Variants in RRP8 observed in about 807,000 individuals in gnomAD.
RRP8 encodes the protein ribosomal RNA processing 8.
A neutral mutation model predicts 45.0 loss-of-function variants in RRP8; 48 were observed. The observed-to-expected ratio is 1.07, with a 90% CI of 0.85 to 1.36. RRP8 has a LOEUF of 1.36. RRP8 is among the 40% of genes most tolerant of loss of function. The pLI, the probability that RRP8 is intolerant of heterozygous loss-of-function variation, is 0.00. For synonymous variants in RRP8, 274 were observed against 212.4 expected (o/e 1.29, Z -2.52); for missense variants, 658 against 573.7 (o/e 1.15, Z -1.50).
Position 6,602,041 on chromosome 11 carries a change from C to A in RRP8, c.274G>T (p.Gly92Trp). 1.2e-6 allele frequency: 2 copies of A among 1,614,074 alleles called. No individual in the cohort carries two copies. Among genetic ancestry groups the A allele is most frequent in the Non-Finnish European group, 1.7e-6 (2 of 1,179,928 alleles). ...ASASAEVGKK[G>W]KKKCQKQGPP... ...CCCTGTTTTTGACATTTCTTCTTCC[C>A]TTTCTTCCCTACTTCAGCAGAGGCA... is the stretch of plus-strand genomic sequence containing the variant. The change falls in exon 2 of 7, where the codon GGG (glycine) becomes TGG (tryptophan). Residue 92 changes from glycine (G) to tryptophan (W), a missense_variant. Coordinates refer to ENST00000254605, the MANE Select transcript of RRP8 (RefSeq NM_015324.4).
In RRP8 at chr11:6,595,211, C is replaced by T. The variant is rs556551527; in HGVS notation, c.*4935G>A. The T allele has an allele frequency of 2.0e-5, 3 of 151,944 alleles. No individual in the cohort carries two copies. Among genetic ancestry groups the T allele is most frequent in the Admixed American group, 6.6e-5 (1 of 15,258 alleles). 9.4% of individuals were successfully genotyped at this position (151,944 alleles called of 1,614,324 possible). ...CCTCAGCCTTCCTAGTAGCTGGGAT[C>T]ACAGATAAGAGCCACTGCACTTGGC... On this transcript the variant is annotated 3_prime_UTR_variant, in exon 7 of 7. Coordinates refer to ENST00000254605, the MANE Select transcript of RRP8 (RefSeq NM_015324.4).
rs1854231891 is a variant in RRP8, at chr11:6,596,551, G to A, written c.*3595C>T. The stretch of plus-strand genomic sequence containing the variant: ...TGTGTGGAAAATTAATTGCTTTAGG[G>A]ACACGAGTAGAAGCAATTAGACCAC... On this transcript the variant is annotated 3_prime_UTR_variant, in exon 7 of 7. Transcript: ENST00000254605. 1 of 152,210 alleles carries A rather than the reference G, an allele frequency of 6.6e-6. No individual in the cohort carries two copies. Among genetic ancestry groups the A allele is most frequent in the Non-Finnish European group, 1.5e-5 (1 of 68,034 alleles). 9.4% of individuals were successfully genotyped at this position (152,210 alleles called of 1,614,324 possible).
rs1213618276 is a variant in RRP8 at position 6,602,092 on chromosome 11, A to AT, written c.222dup (p.Cys75MetfsTer13). ...CTGGCAAATGATGCCTTTTTGGGGC[A>AT]TTTCTTCTTCCTTTCCTCCTCCTCC... On this transcript the variant is annotated frameshift_variant, in exon 2 of 7. Coordinates refer to ENST00000254605, the MANE Select transcript of RRP8 (RefSeq NM_015324.4). LOFTEE classifies it high-confidence loss of function. 6.2e-7 allele frequency: 1 copy of AT among 1,613,170 alleles called. No individual in the cohort carries two copies. Among genetic ancestry groups the AT allele is most frequent in the East Asian group, 2.2e-5 (1 of 44,870 alleles).
In RRP8 at chr11:6,600,012, A is replaced by C. The variant is rs938213983; in HGVS notation, c.*134T>G. 3 of 562,620 alleles carry C rather than the reference A, an allele frequency of 5.3e-6. No homozygotes were observed. The highest frequency in any genetic ancestry group is 9.2e-6 in the Non-Finnish European group (3 of 325,098). The allele number at this position is 562,620 out of a possible 1,614,324, so 34.9% of individuals were successfully genotyped here. A position where few individuals can be genotyped will look rare whatever the true frequency, so the allele number is the denominator to read the frequency against. ...GCCTTCAGTAGAGCAAGTCTGAGCC[A>C]GAGGTTTTATCACACTTTGTCCTCA... On this transcript the variant is annotated 3_prime_UTR_variant, in exon 7 of 7. Coordinates refer to ENST00000254605, the MANE Select transcript of RRP8 (RefSeq NM_015324.4).
rs138539459 is a variant in RRP8, at chr11:6,600,498, C to A, written c.1239G>T (p.Lys413Asn). The stretch of plus-strand genomic sequence containing the variant: ...TTGGGGCCCTCACCTTGGAGACAAT[C>A]TTGAAGCCTAGCTTGGTCACAGCCC... ...FLRAVTKLGF[K>N]IVSKDLTNSH... Residue 413 changes from lysine to asparagine, a missense_variant, in exon 6 of 7, where the codon AAG becomes AAT. By Grantham distance (94) the Lys-to-Asn change is moderately conservative. Transcript: ENST00000254605. 33 of 1,613,456 alleles carry A rather than the reference C, an allele frequency of 2.0e-5. No homozygotes were observed. The highest frequency in any genetic ancestry group is 2.7e-5 in the Non-Finnish European group (32 of 1,180,012).
chr11:6,603,249 C>G (rs1854495134), intron 1 of RRP8, among the ~76,000 whole-genome samples, 155 bp downstream of exon 1: 1 of 152,258 alleles, frequency 6.6e-6, no homozygotes, highest in South Asian at 2.1e-4. Flanking sequence ...TCTGACCCAA[C>G]GTCAGTTTCT....
chr11:6,600,827 C>T, intron 4 of RRP8, 52 bp from the exon 5 acceptor site: 1 of 1,609,656 alleles, frequency 6.2e-7, no homozygotes, highest in African/African-American at 1.3e-5. Context: ...AGAAGAAAGC[C>T]AGCACTGAGA....
chr11:6,603,190 C>G (rs763918326), intron 1 of RRP8, among the ~76,000 whole-genome samples: 19 of 152,206 alleles, frequency 1.2e-4, no homozygotes, highest in Non-Finnish European at 2.4e-4. Context: ...GTACTTTTTC[C>G]TGTCTGAAGA....
In RRP8 at chr11:6,603,474, G is replaced by A. The variant is rs542041353; in HGVS notation, c.29C>T (p.Ala10Val). 4 of 1,597,262 alleles carry A rather than the reference G, an allele frequency of 2.5e-6. No individual in the cohort carries two copies. Among genetic ancestry groups the A allele is most frequent in the Non-Finnish European group, 3.4e-6 (4 of 1,173,368 alleles). The change falls in exon 1 of 7, where the codon GCG becomes GTG. Residue 10 changes from alanine (A) to valine (V), a missense_variant. By Grantham distance (64) the Ala-to-Val change is moderately conservative. Coordinates refer to ENST00000254605, the MANE Select transcript of RRP8 (RefSeq NM_015324.4). MFEEPEWAE[A>V]APVAAGLGPV... ...CCCAAGGCCCGCGGCTACTGGGGCC[G>A]CCTCGGCCCACTCAGGCTCTTCGAA... is the stretch of plus-strand genomic sequence containing the variant.
At position 6,601,568 on chromosome 11, in the gene RRP8, A is replaced by G; in HGVS notation, c.498T>C (p.Asp166=). The change falls in exon 3 of 7, where the codon GAT becomes GAC. Residue 166 remains aspartate (D), a synonymous_variant. Transcript: ENST00000254605. The part of the protein sequence containing the change: ...PKAWKGSTTN[D]PPKQSPGSTS... ...TGGACCCAGGGCTTTGCTTTGGTGGATCATTTGTAGTACTACCCTTCCAGG... is the reference window on the plus strand; with the variant it reads ...TGGACCCAGGGCTTTGCTTTGGTGGGTCATTTGTAGTACTACCCTTCCAGG... 2 of 1,603,824 alleles carry G rather than the reference A, an allele frequency of 1.2e-6. No homozygotes were observed.
chr11:6,600,566 C>T lies in RRP8; in HGVS notation c.1171G>A (p.Ala391Thr), dbSNP rs568953297. 7 of 1,614,108 alleles carry T rather than the reference C, an allele frequency of 4.3e-6. No homozygotes were observed. In the East Asian group the frequency reaches 1.6e-4, roughly 36 times the overall value. Residue 391 changes from alanine to threonine, a missense_variant, in exon 6 of 7, where the codon GCT becomes ACT. By Grantham distance (58) the Ala-to-Thr change is moderately conservative. Coordinates refer to ENST00000254605, the MANE Select transcript of RRP8 (RefSeq NM_015324.4). ...VLKPGGLLKV[A>T]EVSSRFEDVR... ...TCCTCAAAGCGGCTGCTGACCTCAG[C>T]CACTTTCAGGAGACCCCTGAGAAAG...
At position 6,602,244 on chromosome 11, in the gene RRP8, C is replaced by G. The variant is rs191111679; in HGVS notation, c.100-29G>C. 8.0e-5 allele frequency: 122 copies of G among 1,519,568 alleles called. No homozygotes were observed. The African/African-American group carries it at 1.5e-3, about 19-fold the overall frequency. 94.1% of individuals were successfully genotyped at this position (1,519,568 alleles called of 1,614,324 possible). A position where few individuals can be genotyped will look rare whatever the true frequency, so the allele number is the denominator to read the frequency against. ...GAGGAAAACAGGGGATGACAGTGGG[C>G]CTAAAGAGAATGGATGAGGCCTGGA... On this transcript the variant is annotated intron_variant, in intron 1 of 6. Transcript: ENST00000254605.
In RRP8 at chr11:6,596,076, C is replaced by G; in HGVS notation, c.*4070G>C. 1 of 152,206 alleles carries G rather than the reference C, an allele frequency of 6.6e-6. No homozygotes were observed. The highest frequency in any genetic ancestry group is 1.9e-4 in the East Asian group (1 of 5,202). 9.4% of individuals were successfully genotyped at this position (152,206 alleles called of 1,614,324 possible). ...TGGTCTAGTATTGAAACATCACTTC[C>G]ACTCATTTTCCACTGTTGAGAACTA... is the stretch of plus-strand genomic sequence containing the variant. On this transcript the variant is annotated 3_prime_UTR_variant, in exon 7 of 7. Coordinates refer to ENST00000254605, the MANE Select transcript of RRP8 (RefSeq NM_015324.4).
At chr11:6,603,278 T>G (rs1337142351) in intron 1 of RRP8, 126 bp downstream of exon 1, 1 of 653,606 alleles carries the variant, frequency 1.5e-6, no homozygotes, top group Non-Finnish European at 2.6e-6. Flanking sequence ...TTCTCGGATC[T>G]TCAGATCAGG....
In RRP8 at chr11:6,595,940, ACTT is replaced by A. The variant is rs1380051277; in HGVS notation, c.*4203_*4205del. The A allele has an allele frequency of 1.3e-5, 2 of 152,192 alleles. No individual in the cohort carries two copies. Among genetic ancestry groups the A allele is most frequent in the South Asian group, 2.1e-4 (1 of 4,836 alleles). 9.4% of individuals were successfully genotyped at this position (152,192 alleles called of 1,614,324 possible). A position where few individuals can be genotyped will look rare whatever the true frequency, so the allele number is the denominator to read the frequency against. On this transcript the variant is annotated 3_prime_UTR_variant, in exon 7 of 7. Coordinates refer to ENST00000254605, the MANE Select transcript of RRP8 (RefSeq NM_015324.4). ...CCTAAATAGTAACTCAGGTATTCAG[ACTT>A]CTTCTATGCTATGACTCCATCACCG...
rs1589912917 is a variant in RRP8, at chr11:6,597,594, A to AC, written c.*2551_*2552insG. The AC allele has an allele frequency of 6.6e-6, 1 of 151,560 alleles. No homozygotes were observed. The highest frequency in any genetic ancestry group is 2.1e-4 in the South Asian group (1 of 4,776). The allele number at this position is 151,560 out of a possible 1,614,324, so 9.4% of individuals were successfully genotyped here. A position where few individuals can be genotyped will look rare whatever the true frequency, so the allele number is the denominator to read the frequency against. On this transcript the variant is annotated 3_prime_UTR_variant, in exon 7 of 7. Coordinates refer to ENST00000254605, the MANE Select transcript of RRP8 (RefSeq NM_015324.4). ...CTGCCCATCCTCCCATAAAAAAAAAAAAAAAAAAAACACTGGCTGGGCACA... is the reference window on the plus strand; with the variant it reads ...CTGCCCATCCTCCCATAAAAAAAAAACAAAAAAAAAACACTGGCTGGGCACA...
rs912273993 is a variant in RRP8 at position 6,595,901 on chromosome 11, A to T, written c.*4245T>A. The T allele has an allele frequency of 1.3e-5, 2 of 152,264 alleles. No individual in the cohort carries two copies. Among genetic ancestry groups the T allele is most frequent in the African/African-American group, 4.8e-5 (2 of 41,462 alleles). 9.4% of individuals were successfully genotyped at this position (152,264 alleles called of 1,614,324 possible). A position where few individuals can be genotyped will look rare whatever the true frequency, so the allele number is the denominator to read the frequency against. ...AGTCCAATATGGATGTTTTTGGTCA[A>T]GTAGCTATTATGCCCTAAATAGTAA... On this transcript the variant is annotated 3_prime_UTR_variant, in exon 7 of 7. Coordinates refer to ENST00000254605, the MANE Select transcript of RRP8 (RefSeq NM_015324.4).
In RRP8 at chr11:6,597,904, A is replaced by C. The variant is rs2134494768; in HGVS notation, c.*2242T>G. 1 of 145,430 alleles carries C rather than the reference A, an allele frequency of 6.9e-6. No homozygotes were observed. Among genetic ancestry groups the C allele is most frequent in the African/African-American group, 2.9e-5 (1 of 34,884 alleles). The allele number at this position is 145,430 out of a possible 1,614,324, so 9.0% of individuals were successfully genotyped here. On this transcript the variant is annotated 3_prime_UTR_variant, in exon 7 of 7. Transcript: ENST00000254605. ...GACTCTGTCTTAAAAAAAAAAAAAA[A>C]AAAAAATTAACTCTCCTGGTTTTAC...
Position 6,600,540 on chromosome 11 carries a change from A to T in RRP8, c.1197T>A (p.Asp399Glu). 6.2e-7 allele frequency: 1 copy of T among 1,614,122 alleles called. No homozygotes were observed. The highest frequency in any genetic ancestry group is 8.5e-7 in the Non-Finnish European group (1 of 1,180,036). The change falls in exon 6 of 7, where the codon GAT becomes GAA. Residue 399 changes from aspartate to glutamate, a missense_variant. Asp to Glu is a conservative substitution (Grantham distance 45). Coordinates refer to ENST00000254605, the MANE Select transcript of RRP8 (RefSeq NM_015324.4). ...TCACAGCCCGCAGAAAGGTTCGAACATCCTCAAAGCGGCTGCTGACCTCAG... is the reference window on the plus strand; with the variant it reads ...TCACAGCCCGCAGAAAGGTTCGAACTTCCTCAAAGCGGCTGCTGACCTCAG... ...KVAEVSSRFEDVRTFLRAVTK... is the reference protein window; with the variant it reads ...KVAEVSSRFEEVRTFLRAVTK...
Sources: allele counts gnomAD v4.1 joint callset (sites outside exome capture counted in the v4.1 genomes callset), GRCh38; gene constraint gnomAD v4.1.1; transcripts MANE v1.5; gene names NCBI Gene and HGNC (gene_info 2026-07-23, HGNC 2026-07-21).